The following PHACTR2 variants were observed in gnomAD, a reference collection of about 807,000 sequenced individuals.
The protein encoded by PHACTR2 is chromosome 6 open reading frame 56.
A neutral mutation model predicts 76.0 loss-of-function variants in PHACTR2; 30 were observed. The observed-to-expected ratio is 0.39, with a 90% confidence interval of 0.30 to 0.54. The LOEUF (loss-of-function observed/expected upper bound fraction) is 0.54. Among genes scored for constraint, PHACTR2 ranks in the 20% least tolerant of loss-of-function variants. The pLI, the probability that PHACTR2 is intolerant of heterozygous loss-of-function variation, is 0.61. For missense variants in PHACTR2, 696 were observed against 781.1 expected (o/e 0.89, Z 1.30); for synonymous variants, 292 against 292.5 (o/e 1.00, Z 0.02).
chr6:143,706,411 T>C (rs1326177209), intron 1 of PHACTR2, among the ~76,000 whole-genome samples: 1 of 152,174 alleles, frequency 6.6e-6, no homozygotes, highest in Non-Finnish European at 1.5e-5. Context: ...TGTCTATAAT[T>C]CATTTACTTA....
intron 1 of PHACTR2, among the ~76,000 whole-genome samples, chr6:143,629,272 G>A (rs531384431): frequency 6.6e-6 from 1 of 151,970 alleles, no homozygotes; most frequent in Non-Finnish European, 1.5e-5. Context: ...CGTCTGCTGA[G>A]GGGGACAGAA....
At chr6:143,770,350 A>G (rs1582861837) in intron 6 of PHACTR2, among the ~76,000 whole-genome samples, 1 of 152,156 alleles carries the variant, frequency 6.6e-6, no homozygotes, top group African/African-American at 2.4e-5. Context: ...TGGCTGGGAG[A>G]TAATGGTTAT....
rs866498573 is a variant in PHACTR2, at chr6:143,558,702, A to G, written c.217+21495A>G. 6.6e-6 allele frequency among the ~76,000 whole-genome samples: 1 copy of G among 152,306 alleles called. No individual in the cohort carries two copies. The highest frequency in any genetic ancestry group is 3.4e-3 in the Middle Eastern group (1 of 294). ...CTAAGATACATTCATGCGTTTTTCC[A>G]ATGCGAGGAGGTAGAGATCGTTTTA... On this transcript the variant is annotated intron_variant, in intron 1 of 11. Transcript: ENST00000367584. The surrounding 1 kb of genome is among the most constrained non-coding windows in gnomAD (Gnocchi z 4.7).
At chr6:143,736,515 C>A (rs1778822650) in intron 2 of PHACTR2, among the ~76,000 whole-genome samples, 1 of 144,928 alleles carries the variant, frequency 6.9e-6, no homozygotes, top group South Asian at 2.2e-4. Flanking sequence ...AAAAAAACTC[C>A]TATTTCTTTG....
rs1025087424 is a variant in PHACTR2, at chr6:143,652,392, G to A, written c.13+44070G>A. Among the ~76,000 whole-genome samples, 6 of 139,278 alleles carry A rather than the reference G, an allele frequency of 4.3e-5. No individual in the cohort carries two copies. The highest frequency in any genetic ancestry group is 8.3e-5 in the Non-Finnish European group (5 of 59,918). The allele number at this position is 139,278 out of a possible 152,430, so 91.4% of individuals were successfully genotyped here. On this transcript the variant is annotated intron_variant, in intron 1 of 11. Transcript: ENST00000305766. The surrounding 1 kb of genome is among the most constrained non-coding windows in gnomAD (Gnocchi z 4.5). ...GCTAGACAAAGGTACCTGCGCTGCT[G>A]TTTGTTTGTTTGTTTGTTTGTTTGT...
chr6:143,823,588 G>A lies in PHACTR2; in HGVS notation c.1923-86G>A. Reference sequence around the variant, plus strand: ...GGGATATCTGGGGTACCTTTTCATTGTAAACATGACCACGCCTTATTCAGC... The same window carrying A: ...GGGATATCTGGGGTACCTTTTCATTATAAACATGACCACGCCTTATTCAGC... On this transcript the variant is annotated intron_variant, in intron 12 of 12. Transcript: ENST00000440869. The surrounding 1 kb of genome is among the most constrained non-coding windows in gnomAD (Gnocchi z 5.7). The A allele has an allele frequency of 1.0e-6, 1 of 994,442 alleles. No individual in the cohort carries two copies. The highest frequency in any genetic ancestry group is 1.4e-5 in the South Asian group (1 of 72,106). The allele number at this position is 994,442 out of a possible 1,614,324, so 61.6% of individuals were successfully genotyped here.
chr6:143,787,729 A>C lies in PHACTR2; in HGVS notation c.1708-1044A>C, dbSNP rs1195824768. Among the ~76,000 whole-genome samples the C allele has an allele frequency of 1.3e-5, 2 of 152,158 alleles. No individual in the cohort carries two copies. The highest frequency in any genetic ancestry group is 4.8e-5 in the African/African-American group (2 of 41,440). Reference sequence around the variant, plus strand: ...AGAGTTCAAGACCAGCCTGAGCAACATAGAGAGACCCCCCACCCACTCTGT... The same window carrying C: ...AGAGTTCAAGACCAGCCTGAGCAACCTAGAGAGACCCCCCACCCACTCTGT... On this transcript the variant is annotated intron_variant, in intron 10 of 12. Coordinates refer to ENST00000440869, the MANE Select transcript of PHACTR2 (RefSeq NM_001100164.2). The surrounding 1 kb of genome is among the most constrained non-coding windows in gnomAD (Gnocchi z 4.6).
rs1038484797 is a variant in PHACTR2, at chr6:143,613,949, G to A, written c.13+5627G>A. 8.5e-5 allele frequency among the ~76,000 whole-genome samples: 13 copies of A among 152,188 alleles called. 1 individual carries two copies. In the South Asian group the frequency reaches 1.5e-3, roughly 17 times the overall value. ...GTTAAGAAACATGCTGAGGCCGGGC[G>A]TGGTGGCTCACATCTGTGATCTCAG... On this transcript the variant is annotated intron_variant, in intron 1 of 11. Transcript: ENST00000305766.
In PHACTR2 at chr6:143,695,149, A is replaced by G. The variant is rs575291709; in HGVS notation, c.47-16867A>G. ...CTCTTGGACCAGGAATTGCCTTGAG[A>G]TGGCGAGATACAAGCATTCTACAAA... On this transcript the variant is annotated intron_variant, in intron 1 of 12. Coordinates refer to ENST00000440869, the MANE Select transcript of PHACTR2 (RefSeq NM_001100164.2). This position sits in a 1 kb window ranked among gnomAD's most constrained non-coding sequence, Gnocchi z 4.4. Among the ~76,000 whole-genome samples the G allele has an allele frequency of 6.6e-6, 1 of 152,322 alleles. No individual in the cohort carries two copies. Among genetic ancestry groups the G allele is most frequent in the Non-Finnish European group, 1.5e-5 (1 of 68,020 alleles).
chr6:143,772,529 A>G lies in PHACTR2; in HGVS notation c.1432+72A>G. On this transcript the variant is annotated intron_variant, in intron 7 of 12. Transcript: ENST00000440869. The surrounding 1 kb of genome is among the most constrained non-coding windows in gnomAD (Gnocchi z 5.4). The stretch of plus-strand genomic sequence containing the variant: ...AAGCAGCTGCAGTTTATAAAGAATA[A>G]AAGCCTCATTAGGAACCAGACATCT... 9.1e-7 allele frequency: 1 copy of G among 1,096,386 alleles called. No individual in the cohort carries two copies. Among genetic ancestry groups the G allele is most frequent in the Non-Finnish European group, 1.4e-6 (1 of 736,392 alleles). The allele number at this position is 1,096,386 out of a possible 1,614,324, so 67.9% of individuals were successfully genotyped here. A position where few individuals can be genotyped will look rare whatever the true frequency, so the allele number is the denominator to read the frequency against.
rs116872825 is a variant in PHACTR2 at position 143,589,084 on chromosome 6, A to G, written c.217+51877A>G. Among the ~76,000 whole-genome samples the G allele has an allele frequency of 0.017, 2,527 of 152,168 alleles. 33 individuals carry two copies. The highest frequency in any genetic ancestry group is 0.024 in the Non-Finnish European group (1,601 of 67,990). The stretch of plus-strand genomic sequence containing the variant: ...TGGGTGGCTTAAATAACAGAAATTT[A>G]TTTTCTCACAGCTCTGGAGGCTGGA... On this transcript the variant is annotated intron_variant, in intron 1 of 11. Transcript: ENST00000367584. The surrounding 1 kb of genome is among the most constrained non-coding windows in gnomAD (Gnocchi z 4.4).
At chr6:143,644,571 G>C (rs945306461) in intron 1 of PHACTR2, among the ~76,000 whole-genome samples, 1 of 150,964 alleles carries the variant, frequency 6.6e-6, no homozygotes, top group South Asian at 2.1e-4. Flanking sequence ...TATATTTTAG[G>C]CTTTTTTTTT....
In PHACTR2 at chr6:143,615,738, C is replaced by T. The variant is rs114455339; in HGVS notation, c.13+7416C>T. ...TAATGATATTTAAATGAAATGCAGA[C>T]ACACCTTTCTGGAATATGAAAGAAT... On this transcript the variant is annotated intron_variant, in intron 1 of 11. Transcript: ENST00000305766. Among the ~76,000 whole-genome samples, 1,501 of 152,260 alleles carry T rather than the reference C, an allele frequency of 9.9e-3. 32 individuals are homozygous for T. Among genetic ancestry groups the T allele is most frequent in the African/African-American group, 0.034 (1,420 of 41,540 alleles).
At position 143,654,763 on chromosome 6, in the gene PHACTR2, C is replaced by G. The variant is rs1776819678; in HGVS notation, c.13+46441C>G. ...AGGCTGCAGTGAGCAATGATCATGC[C>G]ACCACACTCCCGCCTAGGTTGCAGA... On this transcript the variant is annotated intron_variant, in intron 1 of 11. Transcript: ENST00000305766. This position sits in a 1 kb window ranked among gnomAD's most constrained non-coding sequence, Gnocchi z 4.6. Among the ~76,000 whole-genome samples, 1 of 152,108 alleles carries G rather than the reference C, an allele frequency of 6.6e-6. No individual in the cohort carries two copies. Among genetic ancestry groups the G allele is most frequent in the South Asian group, 2.1e-4 (1 of 4,830 alleles).
rs1778998074 is a variant in PHACTR2, at chr6:143,743,919, C to G, written c.215-5066C>G. ...CAAGATTTACTCTCACAGATATTTC[C>G]AGAGTAATATGAAATCCCAGCCAAG... is the stretch of plus-strand genomic sequence containing the variant. On this transcript the variant is annotated intron_variant, in intron 2 of 12. Coordinates refer to ENST00000440869, the MANE Select transcript of PHACTR2 (RefSeq NM_001100164.2). The surrounding 1 kb of genome is among the most constrained non-coding windows in gnomAD (Gnocchi z 5.0). Among the ~76,000 whole-genome samples, 1 of 152,190 alleles carries G rather than the reference C, an allele frequency of 6.6e-6. No individual in the cohort carries two copies.
In PHACTR2 at chr6:143,560,843, G is replaced by A. The variant is rs540245222; in HGVS notation, c.217+23636G>A. Among the ~76,000 whole-genome samples the A allele has an allele frequency of 7.3e-5, 11 of 151,246 alleles. No individual in the cohort carries two copies. In the Middle Eastern group the frequency reaches 0.01, roughly 140 times the overall value. ...GGACTTTATTTTGGGAAATAGTGAG[G>A]AACTCTGGGGGATTGGGATATAAAA... On this transcript the variant is annotated intron_variant, in intron 1 of 11. Transcript: ENST00000367584.
chr6:143,817,943 T>G (rs1267140288), intron 12 of PHACTR2, among the ~76,000 whole-genome samples: 1 of 152,196 alleles, frequency 6.6e-6, no homozygotes, highest in Non-Finnish European at 1.5e-5. Context: ...GTAGGGGGAC[T>G]ATAGTTAATA....
chr6:143,582,806 G>T (rs55998335), intron 1 of PHACTR2, among the ~76,000 whole-genome samples: 1 of 151,952 alleles, frequency 6.6e-6, no homozygotes, highest in Admixed American at 6.5e-5. Context: ...CATTCTTCTA[G>T]CATTCTGTTT....
At position 143,765,874 on chromosome 6, in the gene PHACTR2, C is replaced by T. The variant is rs992024659; in HGVS notation, c.1232+76C>T. On this transcript the variant is annotated intron_variant, in intron 6 of 12. Transcript: ENST00000440869. The surrounding 1 kb of genome is among the most constrained non-coding windows in gnomAD (Gnocchi z 4.1). Reference sequence around the variant, plus strand: ...ATATATTCTGTTGGAAATGAAGCACCGGGTTTGCTTTCTTATATAATTTAA... The same window carrying T: ...ATATATTCTGTTGGAAATGAAGCACTGGGTTTGCTTTCTTATATAATTTAA... The T allele has an allele frequency of 1.3e-5, 17 of 1,280,350 alleles. No homozygotes were observed. The highest frequency in any genetic ancestry group is 8.7e-5 in the Admixed American group (4 of 45,892). 79.3% of individuals were successfully genotyped at this position (1,280,350 alleles called of 1,614,324 possible). A position where few individuals can be genotyped will look rare whatever the true frequency, so the allele number is the denominator to read the frequency against.
Sources: gnomAD v4.1 joint callset for allele counts (sites outside exome capture counted in the v4.1 genomes callset) on GRCh38, gnomAD v4.1.1 for gene constraint, Gnocchi (gnomAD v3.1) non-coding constraint, MANE v1.5 for transcripts, NCBI Gene and HGNC (gene_info 2026-07-23, HGNC 2026-07-21) for gene names.